Variants in KIF18A observed in about 807,000 individuals in gnomAD.
KIF18A encodes kinesin family member 18A.
A neutral mutation model predicts 103.3 loss-of-function variants in KIF18A; 67 were observed. The observed-to-expected ratio is 0.65, with a 90% CI of 0.53 to 0.79. KIF18A has a LOEUF of 0.79. Ranked by LOEUF, KIF18A falls within the 30% of genes least tolerant of loss-of-function variation. The probability of loss-of-function intolerance (pLI) is 0.00; values close to 1 mark genes in which losing one functional copy is unlikely to be tolerated. For synonymous variants in KIF18A, 367 were observed against 355.5 expected, an observed-to-expected ratio of 1.03 and a Z score of -0.36; for missense variants, 1,032 against 1,062.5, an observed-to-expected ratio of 0.97 and a Z score of 0.40.
At chr11:28,072,358 C>T (rs890482055) in intron 10 of KIF18A, among the ~76,000 whole-genome samples, 1 of 152,024 alleles carries the variant, frequency 6.6e-6, no homozygotes, top group African/African-American at 2.4e-5. Flanking sequence ...CATGAAATTA[C>T]CCAGGAGCTT....
chr11:28,092,079 T>A (rs1851313000), intron 3 of KIF18A, among the ~76,000 whole-genome samples: 1 of 152,150 alleles, frequency 6.6e-6, no homozygotes, highest in Admixed American at 6.5e-5. Flanking sequence ...CCTCCCAAAG[T>A]GCTGGGATTA....
At chr11:28,047,056 G>GAA (rs60204007) in intron 13 of KIF18A, among the ~76,000 whole-genome samples, 788 of 69,212 alleles carry the variant, frequency 0.011, 4 homozygotes, top group Middle Eastern at 0.024. Context: ...CTTCGTCTCA[G>GAA]AAAAAAAAAA....
intron 13 of KIF18A, among the ~76,000 whole-genome samples, chr11:28,051,127 G>A (rs1054430546): frequency 2.6e-5 from 4 of 151,784 alleles, no homozygotes; most frequent in Middle Eastern, 6.8e-3. Context: ...TCTAGAGTAC[G>A]AAGATTTGAT....
intron 11 of KIF18A, 108 bp downstream of exon 11, chr11:28,069,151 A>C: frequency 1.3e-6 from 1 of 789,682 alleles, no homozygotes; most frequent in Non-Finnish European, 2.1e-6. Flanking sequence ...CAGAGTTATG[A>C]GGCAATAATA....
chr11:28,105,580 G>A (rs888277045), intron 1 of KIF18A, among the ~76,000 whole-genome samples: 5 of 152,036 alleles, frequency 3.3e-5, no homozygotes, highest in Admixed American at 1.3e-4. Flanking sequence ...AACTTAAAGT[G>A]TACCCTTTGA....
chr11:28,083,528 A>G (rs999170995), intron 7 of KIF18A, among the ~76,000 whole-genome samples: 4 of 152,144 alleles, frequency 2.6e-5, no homozygotes, highest in African/African-American at 9.7e-5. Flanking sequence ...AGTAATGCAG[A>G]GATAGTTTTT....
rs538662642 is a variant in KIF18A at position 28,086,787 on chromosome 11, A to G, written c.897+1737T>C. Among the ~76,000 whole-genome samples the G allele has an allele frequency of 5.9e-4, 90 of 152,342 alleles. 3 individuals are homozygous for G. The South Asian group carries it at 0.018, about 31-fold the overall frequency. ...ACATATATTAAACATTGACTCACAA[A>G]TGACTCAATAGGAGTCATTATTAAA... On this transcript the variant is annotated intron_variant, in intron 6 of 16. Coordinates refer to ENST00000263181, the MANE Select transcript of KIF18A (RefSeq NM_031217.4).
At chr11:28,067,803 A>G (rs914806447) in intron 11 of KIF18A, among the ~76,000 whole-genome samples, 1 of 152,158 alleles carries the variant, frequency 6.6e-6, no homozygotes, top group East Asian at 1.9e-4. Context: ...GTTCTTTTAA[A>G]CTATTAAGTA....
At chr11:28,046,668 C>A in intron 13 of KIF18A, among the ~76,000 whole-genome samples, 1 of 117,890 alleles carries the variant, frequency 8.5e-6, no homozygotes, top group African/African-American at 3.3e-5. Flanking sequence ...GCACAATGTG[C>A]ACATGTACCC....
At chr11:28,077,418 G>C (rs1464709303) in intron 9 of KIF18A, among the ~76,000 whole-genome samples, 1 of 152,128 alleles carries the variant, frequency 6.6e-6, no homozygotes, top group Non-Finnish European at 1.5e-5. Flanking sequence ...AAAGATATGG[G>C]CATCATAAGG....
chr11:28,085,571 G>C (rs1008900973), intron 6 of KIF18A, among the ~76,000 whole-genome samples: 7 of 152,074 alleles, frequency 4.6e-5, no homozygotes, highest in Admixed American at 6.6e-5. Flanking sequence ...GGCTACCTAA[G>C]AGGGAAGGGT....
In KIF18A at chr11:28,034,261, C is replaced by A. The variant is rs1260351919; in HGVS notation, c.2504+1126G>T. Among the ~76,000 whole-genome samples, 6 of 151,564 alleles carry A rather than the reference C, an allele frequency of 4.0e-5. No individual in the cohort carries two copies. The East Asian group carries it at 9.7e-4, about 25-fold the overall frequency. On this transcript the variant is annotated intron_variant, in intron 15 of 16. Transcript: ENST00000263181. ...ATCACTGCTCCCATGATGTTTTTTT[C>A]TCTTAATTTTTAGTCATTTGGTCCT...
chr11:28,069,758 T>A (rs1192147840), intron 10 of KIF18A, among the ~76,000 whole-genome samples: 1 of 152,044 alleles, frequency 6.6e-6, no homozygotes, highest in Non-Finnish European at 1.5e-5. Flanking sequence ...TCATACAAGG[T>A]CAGATACATT....
intron 11 of KIF18A, among the ~76,000 whole-genome samples, chr11:28,062,782 T>A (rs990222238): frequency 1.3e-5 from 2 of 152,048 alleles, no homozygotes; most frequent in African/African-American, 2.4e-5. Context: ...CTATCCAACT[T>A]GTTCACAATG....
At chr11:28,044,336 AT>A (rs1433533314) in intron 13 of KIF18A, among the ~76,000 whole-genome samples, 1 of 152,040 alleles carries the variant, frequency 6.6e-6, no homozygotes, top group Admixed American at 6.6e-5. Context: ...TTCTTTGTAA[AT>A]GAAACATAAA....
At chr11:28,077,267 A>C in intron 9 of KIF18A, 98 bp from the exon 10 acceptor site, 1 of 776,014 alleles carries the variant, frequency 1.3e-6, no homozygotes, top group Non-Finnish European at 2.0e-6. Flanking sequence ...AATATATGTA[A>C]TTCACAGAAC....
chr11:28,058,489 G>GAA (rs34177202), intron 13 of KIF18A, among the ~76,000 whole-genome samples: 2,383 of 54,210 alleles, frequency 0.044, 204 homozygotes, highest in East Asian at 0.27. Context: ...GTTTCTACAG[G>GAA]AAAAAAAAAA....
intron 1 of KIF18A, among the ~76,000 whole-genome samples, chr11:28,099,833 A>C (rs889916897): frequency 1.3e-5 from 2 of 152,142 alleles, no homozygotes; most frequent in Non-Finnish European, 2.9e-5. Flanking sequence ...TACTCTGAGT[A>C]AGACAAAGAA....
chr11:28,108,129 C>G lies in KIF18A; in HGVS notation c.-112G>C, dbSNP rs900887041. On this transcript the variant is annotated 5_prime_UTR_variant, in exon 1 of 17. Coordinates refer to ENST00000263181, the MANE Select transcript of KIF18A (RefSeq NM_031217.4). ...ACCGCAACCACTTCACTTTAATGTC[C>G]GCCTCCCAGCGCTTCAGACTCAACC... is the stretch of plus-strand genomic sequence containing the variant. The G allele has an allele frequency of 7.9e-5, 12 of 152,478 alleles. No homozygotes were observed. The highest frequency in any genetic ancestry group is 2.7e-4 in the African/African-American group (11 of 41,462). 9.4% of individuals were successfully genotyped at this position (152,478 alleles called of 1,614,324 possible).
Sources: gnomAD v4.1 joint callset for allele counts (sites outside exome capture counted in the v4.1 genomes callset) on GRCh38, gnomAD v4.1.1 for gene constraint, MANE v1.5 for transcripts, NCBI Gene and HGNC (gene_info 2026-07-23, HGNC 2026-07-21) for gene names.